MBNL1: variants seen among roughly 807,000 people sequenced by gnomAD.
MBNL1 encodes muscleblind like splicing regulator 1.
Under a neutral mutation model 42.2 loss-of-function variants are expected in MBNL1, and 8 were observed. The ratio of observed to expected loss-of-function variants is 0.19; its 90% CI spans 0.11 to 0.34. The LOEUF (loss-of-function observed/expected upper bound fraction) is 0.34. Ranked by LOEUF, MBNL1 falls within the 10% of genes least tolerant of loss-of-function variation. MBNL1 has a pLI of 1.00. For missense variants in MBNL1, 309 were observed against 495.3 expected (o/e 0.62, Z 3.57); for synonymous variants, 169 against 173.9 (o/e 0.97, Z 0.22).
intron 2 of MBNL1, among the ~76,000 whole-genome samples, chr3:152,328,012 A>C (rs949008534): frequency 2.0e-5 from 3 of 152,136 alleles, no homozygotes; most frequent in African/African-American, 7.2e-5. Flanking sequence ...AATAATGAGA[A>C]TTCCTCCAAG....
chr3:152,369,808 A>G lies in MBNL1; in HGVS notation c.175-45133A>G, dbSNP rs137891846. Among the ~76,000 whole-genome samples, 319 of 152,302 alleles carry G rather than the reference A, an allele frequency of 2.1e-3. 1 individual carries two copies. Among genetic ancestry groups the G allele is most frequent in the Non-Finnish European group, 3.2e-3 (219 of 68,028 alleles). On this transcript the variant is annotated intron_variant, in intron 2 of 9. Transcript: ENST00000324210. The stretch of plus-strand genomic sequence containing the variant: ...CTAGTGTATTTGCATAGACGTATTT[A>G]TAGCATTCTCTGATTGTAAACTGTA...
chr3:152,411,753 A>T (rs751553178), intron 2 of MBNL1, among the ~76,000 whole-genome samples: 2 of 152,218 alleles, frequency 1.3e-5, no homozygotes, highest in Non-Finnish European at 2.9e-5. Flanking sequence ...TTGAATGTCT[A>T]TACAAATCTC....
chr3:152,300,132 T>C lies in MBNL1; in HGVS notation c.-62T>C. 8.6e-7 allele frequency: 1 copy of C among 1,164,798 alleles called. No individual in the cohort carries two copies. The highest frequency in any genetic ancestry group is 1.7e-5 in the South Asian group (1 of 59,662). 72.2% of individuals were successfully genotyped at this position (1,164,798 alleles called of 1,614,324 possible). A position where few individuals can be genotyped will look rare whatever the true frequency, so the allele number is the denominator to read the frequency against. On this transcript the variant is annotated 5_prime_UTR_variant, in exon 2 of 10. Transcript: ENST00000324210. ...GCTTTTTTTTTTTGGTTGTTGCTCT[T>C]TTTTGGGGGGGTTGGGTTTGTTGGT... is the stretch of plus-strand genomic sequence containing the variant.
chr3:152,272,789 C>A (rs2042659403), intron 1 of MBNL1, among the ~76,000 whole-genome samples: 1 of 152,130 alleles, frequency 6.6e-6, no homozygotes, highest in African/African-American at 2.4e-5. Flanking sequence ...CTTGAGAAGG[C>A]ATCTGACTGG....
At chr3:152,275,424 T>C (rs1226465106) in intron 1 of MBNL1, among the ~76,000 whole-genome samples, 1 of 152,056 alleles carries the variant, frequency 6.6e-6, no homozygotes, top group African/African-American at 2.4e-5. Flanking sequence ...GAAAGTCTAA[T>C]GTTTGGCTGT....
intron 2 of MBNL1, among the ~76,000 whole-genome samples, chr3:152,408,583 G>C (rs1443342972): frequency 2.6e-5 from 4 of 151,838 alleles, no homozygotes; most frequent in African/African-American, 7.3e-5. Flanking sequence ...ATTATACACT[G>C]TTATATTTGG....
chr3:152,444,951 A>C (rs567215268), intron 4 of MBNL1, among the ~76,000 whole-genome samples: 1 of 152,290 alleles, frequency 6.6e-6, no homozygotes, highest in South Asian at 2.1e-4. Flanking sequence ...AATTTTGATC[A>C]CTTGGTTAAA....
At chr3:152,257,422 T>G (rs1195947769) in intron 2 of MBNL1, among the ~76,000 whole-genome samples, 2 of 152,148 alleles carry the variant, frequency 1.3e-5, no homozygotes, top group Non-Finnish European at 2.9e-5. Context: ...TAAGGATGCC[T>G]TCTCCAGAGC....
At position 152,464,785 on chromosome 3, in the gene MBNL1, G is replaced by A. The variant is rs1223144666; in HGVS notation, c.*2419G>A. 1 of 152,578 alleles carries A rather than the reference G, an allele frequency of 6.6e-6. No homozygotes were observed. The highest frequency in any genetic ancestry group is 1.5e-5 in the Non-Finnish European group (1 of 68,016). 9.5% of individuals were successfully genotyped at this position (152,578 alleles called of 1,614,324 possible). A position where few individuals can be genotyped will look rare whatever the true frequency, so the allele number is the denominator to read the frequency against. On this transcript the variant is annotated 3_prime_UTR_variant, in exon 10 of 10. Coordinates refer to ENST00000324210, the MANE Select transcript of MBNL1 (RefSeq NM_021038.5). ...GATTATGCTGCAATTTAGCATGTTG[G>A]AACGTCTAGGGAGAAGGTTGACTTT...
chr3:152,286,292 ATATT>A (rs888085590), intron 1 of MBNL1, among the ~76,000 whole-genome samples: 3 of 144,744 alleles, frequency 2.1e-5, no homozygotes, highest in Admixed American at 1.4e-4. Flanking sequence ...TATAATACAA[ATATT>A]TAATTATATT....
At chr3:152,461,395 G>A (rs1316739550) in intron 9 of MBNL1, among the ~76,000 whole-genome samples, 1 of 152,220 alleles carries the variant, frequency 6.6e-6, no homozygotes, top group Non-Finnish European at 1.5e-5. Flanking sequence ...TTGCAGTGTT[G>A]TAGGTTTAGA....
At chr3:152,328,474 T>A (rs2081940163) in intron 2 of MBNL1, among the ~76,000 whole-genome samples, 2 of 152,194 alleles carry the variant, frequency 1.3e-5, no homozygotes, top group African/African-American at 4.8e-5. Flanking sequence ...AACTCAGCTT[T>A]TACTCATGTT....
chr3:152,379,895 A>G (rs1162720824), intron 2 of MBNL1, among the ~76,000 whole-genome samples: 1 of 152,142 alleles, frequency 6.6e-6, no homozygotes, highest in Admixed American at 6.6e-5. Flanking sequence ...CTATTTATAT[A>G]GGATGTTTAT....
chr3:152,434,023 T>G (rs1411082188), intron 4 of MBNL1, among the ~76,000 whole-genome samples: 1 of 152,224 alleles, frequency 6.6e-6, no homozygotes, highest in Non-Finnish European at 1.5e-5. Context: ...TTTTCCTCTT[T>G]TCCCTGGTGA....
intron 2 of MBNL1, among the ~76,000 whole-genome samples, chr3:152,306,349 C>T (rs1177790278): frequency 6.6e-6 from 1 of 152,180 alleles, no homozygotes; most frequent in Non-Finnish European, 1.5e-5. Flanking sequence ...GTCATTGGAA[C>T]TCAGGTTCCT....
At chr3:152,302,399 C>T (rs1033601274) in intron 2 of MBNL1, 3 of 151,714 alleles carry the variant, frequency 2.0e-5, no homozygotes, top group African/African-American at 7.3e-5. Context: ...ATACCCAGGA[C>T]AGTAGCTTCT....
At chr3:152,248,431 C>T (rs1325905512) in intron 2 of MBNL1, among the ~76,000 whole-genome samples, 1 of 151,826 alleles carries the variant, frequency 6.6e-6, no homozygotes, top group Non-Finnish European at 1.5e-5. Flanking sequence ...TATATCTTTA[C>T]CTAGATTTGC....
At chr3:152,292,080 T>G (rs928750688) in intron 1 of MBNL1, among the ~76,000 whole-genome samples, 7 of 152,174 alleles carry the variant, frequency 4.6e-5, no homozygotes, top group African/African-American at 1.7e-4. Context: ...GTGCTTTGGA[T>G]GGTGGCCTGA....
chr3:152,296,077 A>G (rs1410547576), intron 1 of MBNL1, among the ~76,000 whole-genome samples: 1 of 152,220 alleles, frequency 6.6e-6, no homozygotes, highest in Non-Finnish European at 1.5e-5. Flanking sequence ...TCAGACTGAT[A>G]AGGATTCAGA....
Sources: gnomAD v4.1 joint callset for allele counts (sites outside exome capture counted in the v4.1 genomes callset) on GRCh38, gnomAD v4.1.1 for gene constraint, MANE v1.5 for transcripts, NCBI Gene and HGNC (gene_info 2026-07-23, HGNC 2026-07-21) for gene names.